ZNF518A: variants seen among roughly 807,000 people sequenced by gnomAD.
ZNF518A encodes the protein zinc finger protein 518A.
In ZNF518A, 47 loss-of-function variants were observed where a neutral mutation model predicts 102.7. The ratio of observed to expected loss-of-function variants is 0.46; its 90% CI spans 0.36 to 0.58. The LOEUF (loss-of-function observed/expected upper bound fraction) is 0.58. ZNF518A is among the 20% of genes least tolerant of loss of function. The pLI is 0.00. For synonymous variants in ZNF518A, 652 were observed against 594.6 expected (o/e 1.10, Z -1.40); for missense variants, 1,793 against 1,699.8 (o/e 1.05, Z -0.96).
chr10:96,147,708 T>A (rs1353838563), intron 3 of ZNF518A, among the ~76,000 whole-genome samples: 1 of 152,210 alleles, frequency 6.6e-6, no homozygotes, highest in Admixed American at 6.5e-5. Flanking sequence ...ATCCTTTGTT[T>A]TCTGACCTTT....
At chr10:96,167,026 T>A (rs893623536), downstream of ZNF518A, among the ~76,000 whole-genome samples, 4 of 152,206 alleles carry the variant, frequency 2.6e-5, no homozygotes, top group African/African-American at 9.6e-5. Flanking sequence ...CTGTGTTACC[T>A]AAAATGTCCA....
chr10:96,203,949 G>T, exon 3 of ZNF518A: 1 of 855,184 alleles, frequency 1.2e-6, no homozygotes, highest in Non-Finnish European at 2.0e-6. Flanking sequence ...AAGATGCCAG[G>T]ATAACGCAGC....
At position 96,163,196 on chromosome 10, in the gene ZNF518A, G is replaced by C. The variant is rs782802415; in HGVS notation, c.*2422G>C. The stretch of plus-strand genomic sequence containing the variant: ...CATTTAAAGTAAGCTTTGTGCTCCA[G>C]ATATTCTAGTTGGAACTTTTTCTGA... On this transcript the variant is annotated 3_prime_UTR_variant, in exon 6 of 6. Transcript: ENST00000316045. 1.2e-5 allele frequency: 2 copies of C among 166,974 alleles called. No homozygotes were observed. The highest frequency in any genetic ancestry group is 2.4e-5 in the African/African-American group (1 of 41,456). The allele number at this position is 166,974 out of a possible 1,614,324, so 10.3% of individuals were successfully genotyped here.
At chr10:96,135,881 A>G (rs2081573254) in intron 3 of ZNF518A, among the ~76,000 whole-genome samples, 1 of 152,272 alleles carries the variant, frequency 6.6e-6, no homozygotes, top group African/African-American at 2.4e-5. Flanking sequence ...GGAAGTGAGC[A>G]GGTTGGCCCA....
At chr10:96,193,858 CAT>C (rs2083390966) in intron 1 of ZNF518A, among the ~76,000 whole-genome samples, 1 of 152,232 alleles carries the variant, frequency 6.6e-6, no homozygotes, top group Non-Finnish European at 1.5e-5. Flanking sequence ...AAAAACTCCA[CAT>C]GATTGACATC....
intron 1 of ZNF518A, among the ~76,000 whole-genome samples, chr10:96,186,638 C>T (rs914297647): frequency 5.3e-5 from 8 of 152,154 alleles, no homozygotes; most frequent in African/African-American, 1.7e-4. Flanking sequence ...CCTCATGATT[C>T]GCCTGCCTTG....
rs1458442716 is a variant in ZNF518A at position 96,162,060 on chromosome 10, C to T, written c.*1286C>T. ...ATGGAGTTCTTGTGTTAACAAATTA[C>T]GTGCTATATGATTTTTTGTTACATT... On this transcript the variant is annotated 3_prime_UTR_variant, in exon 6 of 6. Transcript: ENST00000316045. The T allele has an allele frequency of 6.0e-6, 1 of 166,876 alleles. No homozygotes were observed. Among genetic ancestry groups the T allele is most frequent in the East Asian group, 1.9e-4 (1 of 5,202 alleles). The allele number at this position is 166,876 out of a possible 1,614,324, so 10.3% of individuals were successfully genotyped here.
Position 96,200,369 on chromosome 10 carries a change from A to G in ZNF518A, n.36-3205A>G, listed in dbSNP as rs1285287672. Among the ~76,000 whole-genome samples the G allele has an allele frequency of 6.6e-6, 1 of 152,124 alleles. No homozygotes were observed. Among genetic ancestry groups the G allele is most frequent in the Non-Finnish European group, 1.5e-5 (1 of 68,010 alleles). ...ATTTTTTTTTCATTTGGCCTTAGCT[A>G]GGTTCCTGAATTATTTCTTTCTTTC... On this transcript the variant is annotated intron_variant and non_coding_transcript_variant, in intron 1 of 2. Transcript: ENST00000442635. The surrounding 1 kb of genome is among the most constrained non-coding windows in gnomAD (Gnocchi z 4.3).
chr10:96,158,090 G>A lies in ZNF518A; in HGVS notation c.1768G>A (p.Val590Ile), dbSNP rs1383156426. Residue 590 changes from valine to isoleucine, a missense_variant, in exon 6 of 6, where the codon GTA (valine) becomes ATA (isoleucine). Val to Ile is a conservative substitution (Grantham distance 29, BLOSUM62 3). Transcript: ENST00000316045. ...GNHLTQSHPEVLGTTIKSPDK... is the reference protein window; with the variant it reads ...GNHLTQSHPEILGTTIKSPDK... Reference sequence around the variant, plus strand: ...TCATCTCACTCAGAGTCACCCCGAGGTATTAGGTACCACCATTAAAAGTCC... The same window carrying A: ...TCATCTCACTCAGAGTCACCCCGAGATATTAGGTACCACCATTAAAAGTCC... 8.1e-6 allele frequency: 13 copies of A among 1,613,432 alleles called. No individual in the cohort carries two copies. Among genetic ancestry groups the A allele is most frequent in the Non-Finnish European group, 1.1e-5 (13 of 1,179,750 alleles).
chr10:96,160,272 C>A lies in ZNF518A; in HGVS notation c.3950C>A (p.Pro1317His). 2 of 1,613,534 alleles carry A rather than the reference C, an allele frequency of 1.2e-6. No homozygotes were observed. Among genetic ancestry groups the A allele is most frequent in the Non-Finnish European group, 1.7e-6 (2 of 1,179,670 alleles). Reference protein sequence around the residue: ...DVRETFGFSRPRLSKDSIRTL... With the variant: ...DVRETFGFSRHRLSKDSIRTL... The stretch of plus-strand genomic sequence containing the variant: ...CGTGAAACATTTGGATTTAGCAGAC[C>A]TAGGCTTTCAAAAGATTCCATCAGA... The change falls in exon 6 of 6, where the codon CCT (proline) becomes CAT (histidine). Residue 1317 changes from proline (P) to histidine (H), a missense_variant. Pro to His is a moderately conservative substitution (Grantham distance 77). Transcript: ENST00000316045.
intron 1 of ZNF518A, among the ~76,000 whole-genome samples, chr10:96,169,099 G>A (rs1195481959): frequency 6.6e-6 from 1 of 152,144 alleles, no homozygotes; most frequent in Non-Finnish European, 1.5e-5. Flanking sequence ...TGCAGTCATA[G>A]CTCACTGCAG....
In ZNF518A at chr10:96,176,872, G is replaced by A. The variant is rs191865780; in HGVS notation, n.35+20825G>A. ...AGATCGTGCCACTGCATTCCAGCCT[G>A]GGTGACAGAGCGAGACTCTGTCTCA... On this transcript the variant is annotated intron_variant and non_coding_transcript_variant, in intron 1 of 2. Transcript: ENST00000442635. Among the ~76,000 whole-genome samples, 458 of 152,254 alleles carry A rather than the reference G, an allele frequency of 3.0e-3. 2 individuals are homozygous for A. The highest frequency in any genetic ancestry group is 0.011 in the African/African-American group (444 of 41,550).
chr10:96,156,834 C>A lies in ZNF518A; in HGVS notation c.512C>A (p.Thr171Asn), dbSNP rs368011746. Residue 171 changes from threonine (T) to asparagine (N), a missense_variant, in exon 6 of 6, where the codon ACC becomes AAC. This residue lies in a region of ZNF518A where 1,741 missense variants were observed against 1,622.6 expected (regional missense o/e 1.07). Coordinates refer to ENST00000316045, the MANE Select transcript of ZNF518A (RefSeq NM_001330736.2). ...DFQVFKQHRR[T>N]HRSTLVKCDI... ...CAGGTATTTAAACAACACAGACGAA[C>A]CCATAGAAGCACTTTAGTAAAATGT... 7.4e-6 allele frequency: 12 copies of A among 1,613,696 alleles called. No homozygotes were observed. The African/African-American group carries it at 1.5e-4, about 20-fold the overall frequency.
chr10:96,160,431 T>G lies in ZNF518A; in HGVS notation c.4109T>G (p.Phe1370Cys). 1.2e-6 allele frequency: 2 copies of G among 1,613,306 alleles called. No individual in the cohort carries two copies. Among genetic ancestry groups the G allele is most frequent in the Non-Finnish European group, 1.7e-6 (2 of 1,179,604 alleles). ...VVSVMKTIAKFNGHVLKVSLS... is the reference protein window; with the variant it reads ...VVSVMKTIAKCNGHVLKVSLS... ...AGTGTAATGAAAACTATTGCTAAATTTAATGGACATGTACTTAAGGTTTCA... is the reference window on the plus strand; with the variant it reads ...AGTGTAATGAAAACTATTGCTAAATGTAATGGACATGTACTTAAGGTTTCA... Residue 1370 changes from phenylalanine (F) to cysteine (C), a missense_variant, in exon 6 of 6, where the codon TTT becomes TGT. This residue lies in a region of ZNF518A where 1,741 missense variants were observed against 1,622.6 expected (regional missense o/e 1.07). Coordinates refer to ENST00000316045, the MANE Select transcript of ZNF518A (RefSeq NM_001330736.2).
rs2082867385 is a variant in ZNF518A, at chr10:96,159,172, A to G, written c.2850A>G (p.Leu950=). ...TGAACATTACTAACAAGCCTGGGCT[A>G]CCAGTTATTCCTGGAAATGCACTTC... ...IPLNITNKPG[L]PVIPGNALPL... Residue 950 remains leucine, a synonymous_variant, in exon 6 of 6, where the codon CTA becomes CTG. Transcript: ENST00000316045. The G allele has an allele frequency of 6.2e-7, 1 of 1,613,832 alleles. No homozygotes were observed. The highest frequency in any genetic ancestry group is 2.2e-5 in the East Asian group (1 of 44,888).
chr10:96,134,299 C>T (rs782013678), intron 3 of ZNF518A, among the ~76,000 whole-genome samples: 13 of 152,168 alleles, frequency 8.5e-5, no homozygotes, highest in Admixed American at 2.0e-4. Context: ...GGCGCGATCT[C>T]GGCTCACTAC....
intron 1 of ZNF518A, among the ~76,000 whole-genome samples, chr10:96,173,744 A>G (rs1280395442): frequency 6.6e-6 from 1 of 152,178 alleles, no homozygotes; most frequent in Non-Finnish European, 1.5e-5. Flanking sequence ...TGGCAAGGAA[A>G]TAGAAAACTT....
downstream of ZNF518A, among the ~76,000 whole-genome samples, chr10:96,166,592 C>A (rs1229977749): frequency 2.0e-5 from 3 of 152,084 alleles, no homozygotes; most frequent in African/African-American, 7.2e-5. Flanking sequence ...CACGGTGAAA[C>A]TGCGTCCCTC....
At chr10:96,146,436 C>G (rs1210464740) in intron 3 of ZNF518A, among the ~76,000 whole-genome samples, 1 of 152,118 alleles carries the variant, frequency 6.6e-6, no homozygotes, top group African/African-American at 2.4e-5. Flanking sequence ...TTTTTCCTCA[C>G]TGACCAACAC....
Sources: allele counts gnomAD v4.1 joint callset (sites outside exome capture counted in the v4.1 genomes callset), GRCh38; gene constraint gnomAD v4.1.1; regional missense constraint gnomAD v4.1.1; non-coding constraint Gnocchi (gnomAD v3.1); transcripts MANE v1.5; gene names NCBI Gene and HGNC (gene_info 2026-07-23, HGNC 2026-07-21).